Variants in NFRKB observed in about 807,000 individuals in gnomAD.
The protein encoded by NFRKB is nuclear factor related to kappaB binding protein, also known as nuclear factor related to kappa-B-binding protein.
Under a neutral mutation model 135.7 loss-of-function variants are expected in NFRKB, and 62 were observed. The ratio of observed to expected loss-of-function variants is 0.46; its 90% CI spans 0.37 to 0.56. The LOEUF is 0.56. Ranked by LOEUF, NFRKB falls within the 20% of genes least tolerant of loss-of-function variation. The pLI is 0.00. For synonymous variants in NFRKB, 678 were observed against 635.6 expected, an observed-to-expected ratio of 1.07 and a Z score of -1.00; for missense variants, 1,545 against 1,662.0, an observed-to-expected ratio of 0.93 and a Z score of 1.22.
intron 13 of NFRKB, among the ~76,000 whole-genome samples, chr11:129,879,050 G>A (rs75816084): frequency 0.021 from 3,210 of 152,158 alleles, 110 homozygotes; most frequent in African/African-American, 0.074. Flanking sequence ...TCCACAACCC[G>A]CCTAGAAAGA....
In NFRKB at chr11:129,882,627, T is replaced by C. The variant is rs754432021; in HGVS notation, c.906A>G (p.Leu302=). 20 of 1,613,314 alleles carry C rather than the reference T, an allele frequency of 1.2e-5. No homozygotes were observed. The highest frequency in any genetic ancestry group is 2.2e-5 in the East Asian group (1 of 44,886). The part of the protein sequence containing the change: ...NAGRKGSLAA[L]YDLAVLKKKV... ...TTTTTTTAAGGACAGCCAAGTCATA[T>C]AAGGCTAGAAAGGCAAAGTAACACC... The change falls in exon 10 of 27, where the codon TTA becomes TTG. Residue 302 remains leucine (L), a synonymous_variant. Transcript: ENST00000682444.
At position 129,870,052 on chromosome 11, in the gene NFRKB, G is replaced by T. The variant is rs763536605; in HGVS notation, c.2973C>A (p.Thr991=). Residue 991 remains threonine, a synonymous_variant, in exon 24 of 27, where the codon ACC becomes ACA. Transcript: ENST00000682444. ...TGCCTCCTGTCCCGAAGAGGTCCTGGGTCAATTTGACTGTGGTAACCTGGG... is the reference window on the plus strand; with the variant it reads ...TGCCTCCTGTCCCGAAGAGGTCCTGTGTCAATTTGACTGTGGTAACCTGGG... ...AKSQVTTVKL[T]QDLFGTGGNT... is the part of the protein sequence containing the mutation. The T allele has an allele frequency of 1.9e-6, 3 of 1,614,104 alleles. No individual in the cohort carries two copies. The highest frequency in any genetic ancestry group is 2.7e-5 in the African/African-American group (2 of 74,936).
rs1431616595 is a variant in NFRKB, at chr11:129,883,779, A to ACAAAC, written c.816+290_816+291insGTTTG. On this transcript the variant is annotated intron_variant, in intron 8 of 26. Transcript: ENST00000682444. ...GGCTCTGCTGCTTCCTGGCTATAGG[A>ACAAAC]CCAAGGACAAGCTCCCTAACCTCTT... is the stretch of plus-strand genomic sequence containing the variant. Among the ~76,000 whole-genome samples, 218 of 152,350 alleles carry ACAAAC rather than the reference A, an allele frequency of 1.4e-3. 3 individuals carry two copies. Among genetic ancestry groups the ACAAAC allele is most frequent in the Middle Eastern group, 6.8e-3 (2 of 294 alleles).
In NFRKB at chr11:129,875,481, C is replaced by G; in HGVS notation, c.1748-18G>C. 2 of 1,566,942 alleles carry G rather than the reference C, an allele frequency of 1.3e-6. No individual in the cohort carries two copies. The highest frequency in any genetic ancestry group is 1.7e-6 in the Non-Finnish European group (2 of 1,151,790). On this transcript the variant is annotated intron_variant, in intron 17 of 26. Transcript: ENST00000682444. Reference sequence around the variant, plus strand: ...GTCCCGAACTGATGACATGAGAAAGCACACAGTCCACAAGTCAGGCAGGGT... The same window carrying G: ...GTCCCGAACTGATGACATGAGAAAGGACACAGTCCACAAGTCAGGCAGGGT...
Position 129,873,733 on chromosome 11 carries a change from T to TGGG in NFRKB, c.2550+11_2550+12insCCC. The TGGG allele has an allele frequency of 6.2e-7, 1 of 1,608,020 alleles. No homozygotes were observed. Among genetic ancestry groups the TGGG allele is most frequent in the Non-Finnish European group, 8.5e-7 (1 of 1,174,836 alleles). On this transcript the variant is annotated intron_variant, in intron 22 of 26. Coordinates refer to ENST00000682444, the MANE Select transcript of NFRKB (RefSeq NM_001143835.2). Reference sequence around the variant, plus strand: ...ATCTCTGCTTCCCAATGACCACGGCTTCCCTGTTTACCTGGGGCACTACTT... The same window carrying TGGG: ...ATCTCTGCTTCCCAATGACCACGGCTGGGTCCCTGTTTACCTGGGGCACTACTT...
In NFRKB at chr11:129,886,461, T is replaced by C; in HGVS notation, c.338-17A>G. The C allele has an allele frequency of 6.2e-7, 1 of 1,610,308 alleles. No individual in the cohort carries two copies. Among genetic ancestry groups the C allele is most frequent in the Non-Finnish European group, 8.5e-7 (1 of 1,177,540 alleles). ...AGTGTCCGTCTTAAAAAAATAAAGG[T>C]ATATATATTTACATCAATCAACAAA... On this transcript the variant is annotated splice_polypyrimidine_tract_variant and intron_variant, in intron 4 of 26. Coordinates refer to ENST00000682444, the MANE Select transcript of NFRKB (RefSeq NM_001143835.2).
rs1365362264 is a variant in NFRKB at position 129,876,826 on chromosome 11, C to T, written c.1642G>A (p.Gly548Arg). Residue 548 changes from glycine (G) to arginine (R), a missense_variant, in exon 17 of 27, where the codon GGG becomes AGG. Around this residue, in one of 3 missense-constraint regions of NFRKB, gnomAD observed 114 missense variants for 211.0 expected, o/e 0.54. Transcript: ENST00000682444. ...TTGTCAAACACGCCCTTCACTGGCC[C>T]CACCACAGACTCAAAGCCGTGCATG... ...FRMHGFESVVGPVKGVFDKET... is the reference protein window; with the variant it reads ...FRMHGFESVVRPVKGVFDKET... The T allele has an allele frequency of 6.2e-7, 1 of 1,614,130 alleles. No homozygotes were observed. Among genetic ancestry groups the T allele is most frequent in the East Asian group, 2.2e-5 (1 of 44,876 alleles).
At chr11:129,873,659 C>G in intron 22 of NFRKB, 86 bp downstream of exon 22, 1 of 1,540,300 alleles carries the variant, frequency 6.5e-7, no homozygotes, top group Non-Finnish European at 8.8e-7. Context: ...CTCCCCAGTC[C>G]TTACCCAGAC....
intron 8 of NFRKB, 102 bp downstream of exon 8, chr11:129,883,968 G>A (rs1045928026): frequency 2.1e-5 from 25 of 1,189,846 alleles, no homozygotes; most frequent in Admixed American, 1.0e-4. Flanking sequence ...GTGGTAGGGA[G>A]GACATACAGA....
intron 18 of NFRKB, 53 bp downstream of exon 18, chr11:129,875,303 GT>G: frequency 1.4e-6 from 2 of 1,389,802 alleles, no homozygotes; most frequent in Non-Finnish European, 2.0e-6. Context: ...TTCCTGATAA[GT>G]TTTCTTAAAT....
Position 129,869,968 on chromosome 11 carries a change from T to C in NFRKB, c.3057A>G (p.Ala1019=). 1.2e-6 allele frequency: 2 copies of C among 1,614,254 alleles called. No individual in the cohort carries two copies. Among genetic ancestry groups the C allele is most frequent in the Non-Finnish European group, 1.7e-6 (2 of 1,180,052 alleles). ...AACTGGCCTTGGCAGGGCTATCAGC[T>C]GCATGTACTGGATTGGAAGTGACGT... is the stretch of plus-strand genomic sequence containing the variant. ...TLHVTSNPVH[A]ADSPAKASSA... Residue 1019 remains alanine, a synonymous_variant, in exon 24 of 27, where the codon GCA becomes GCG. Coordinates refer to ENST00000682444, the MANE Select transcript of NFRKB (RefSeq NM_001143835.2).
chr11:129,888,202 C>T (rs1949370993), intron 4 of NFRKB: 1 of 504,714 alleles, frequency 2.0e-6, no homozygotes, highest in Non-Finnish European at 3.5e-6. Flanking sequence ...TTTTCTGCAG[C>T]AAAAAGTGTG....
chr11:129,886,265 C>A, intron 5 of NFRKB, 52 bp downstream of exon 5: 1 of 1,571,232 alleles, frequency 6.4e-7, no homozygotes, highest in South Asian at 1.2e-5. Context: ...TTCTTGAAGT[C>A]ATGATACCTG....
chr11:129,883,917 G>A (rs930679801), intron 8 of NFRKB, among the ~76,000 whole-genome samples, 153 bp downstream of exon 8: 5 of 152,156 alleles, frequency 3.3e-5, no homozygotes, highest in Admixed American at 6.5e-5. Context: ...GCCTCACATC[G>A]TTGATGCTAG....
Position 129,880,348 on chromosome 11 carries a change from C to T in NFRKB, c.1384+1095G>A, listed in dbSNP as rs571590820. 5.3e-5 allele frequency among the ~76,000 whole-genome samples: 8 copies of T among 152,284 alleles called. No individual in the cohort carries two copies. In the East Asian group the frequency reaches 1.3e-3, roughly 26 times the overall value. ...GCCTCACACCATTCTCCTTCATTCC[C>T]CACAGCCAAGCCATAACCAAGCCCA... On this transcript the variant is annotated intron_variant, in intron 13 of 26. Coordinates refer to ENST00000682444, the MANE Select transcript of NFRKB (RefSeq NM_001143835.2).
chr11:129,878,778 C>G (rs978180263), intron 13 of NFRKB, among the ~76,000 whole-genome samples: 5 of 152,212 alleles, frequency 3.3e-5, no homozygotes, highest in African/African-American at 1.2e-4. Flanking sequence ...ATCCACTGTG[C>G]CACGCACTGC....
rs921233529 is a variant in NFRKB at position 129,863,999 on chromosome 11, G to C, written c.*726C>G. The C allele has an allele frequency of 3.3e-5, 5 of 152,326 alleles. No individual in the cohort carries two copies. The highest frequency in any genetic ancestry group is 6.5e-5 in the Admixed American group (1 of 15,286). The allele number at this position is 152,326 out of a possible 1,614,324, so 9.4% of individuals were successfully genotyped here. ...AAGAAGGACAAAGTGGGCAGGTAAA[G>C]CTGGGGGGGGCGGCCACAATCAAGA... On this transcript the variant is annotated 3_prime_UTR_variant, in exon 27 of 27. Transcript: ENST00000682444.
In NFRKB at chr11:129,865,860, C is replaced by A; in HGVS notation, c.3638+17G>T. The A allele has an allele frequency of 6.2e-7, 1 of 1,613,058 alleles. No homozygotes were observed. Among genetic ancestry groups the A allele is most frequent in the Non-Finnish European group, 8.5e-7 (1 of 1,179,140 alleles). ...TCCACCCCCGAATTGGTTCCTTTAC[C>A]ATGACATAGTACTTACTTGGCTCCA... On this transcript the variant is annotated intron_variant, in intron 25 of 26. Coordinates refer to ENST00000682444, the MANE Select transcript of NFRKB (RefSeq NM_001143835.2).
At chr11:129,868,761 A>G (rs1338592434) in intron 24 of NFRKB, among the ~76,000 whole-genome samples, 2 of 152,094 alleles carry the variant, frequency 1.3e-5, no homozygotes, top group African/African-American at 4.8e-5. Context: ...GTGGGCGGTG[A>G]CTCACGCCTG....
Sources: allele counts gnomAD v4.1 joint callset (sites outside exome capture counted in the v4.1 genomes callset), GRCh38; gene constraint gnomAD v4.1.1; regional missense constraint gnomAD v4.1.1; transcripts MANE v1.5; gene names NCBI Gene and HGNC (gene_info 2026-07-23, HGNC 2026-07-21).